The following ADAMTSL3 variants were observed in gnomAD, a reference collection of about 807,000 sequenced individuals.
The protein encoded by ADAMTSL3 is ADAMTS like 3.
A neutral mutation model predicts 201.7 loss-of-function variants in ADAMTSL3; 128 were observed. The ratio of observed to expected loss-of-function variants is 0.63; its 90% CI spans 0.55 to 0.73. The LOEUF is 0.73. ADAMTSL3 is among the 30% of genes least tolerant of loss of function. The probability of loss-of-function intolerance (pLI) is 0.00; values close to 1 mark genes in which losing one functional copy is unlikely to be tolerated. For synonymous variants in ADAMTSL3, 738 were observed against 748.4 expected, an observed-to-expected ratio of 0.99 and a Z score of 0.23; for missense variants, 1,990 against 2,119.6, an observed-to-expected ratio of 0.94 and a Z score of 1.20.
chr15:83,721,796 G>A (rs1416494466), intron 3 of ADAMTSL3, among the ~76,000 whole-genome samples: 3 of 152,232 alleles, frequency 2.0e-5, no homozygotes, highest in East Asian at 1.9e-4. Flanking sequence ...GCAGTGGCTC[G>A]ATCTTGGCTC....
chr15:83,970,407 C>T (rs991158642), intron 19 of ADAMTSL3, 77 bp from the exon 20 acceptor site: 2 of 1,560,868 alleles, frequency 1.3e-6, no homozygotes, highest in Admixed American at 1.7e-5. Context: ...TTGTTTCACC[C>T]TTGGAGACTT....
chr15:83,977,264 G>A lies in ADAMTSL3; in HGVS notation c.2645-5009G>A, dbSNP rs76409849. 7.1e-4 allele frequency among the ~76,000 whole-genome samples: 107 copies of A among 151,484 alleles called. 1 individual carries two copies. In the East Asian group the frequency reaches 0.013, roughly 18 times the overall value. On this transcript the variant is annotated intron_variant, in intron 20 of 29. Coordinates refer to ENST00000286744, the MANE Select transcript of ADAMTSL3 (RefSeq NM_207517.3). ...CCATCTAGCCCCCAATCCCCACCCCGACAACTGGTTTGTGGAAAAACTGTT... is the reference window on the plus strand; with the variant it reads ...CCATCTAGCCCCCAATCCCCACCCCAACAACTGGTTTGTGGAAAAACTGTT...
intron 20 of ADAMTSL3, among the ~76,000 whole-genome samples, chr15:83,981,763 T>C (rs149908787): frequency 6.6e-6 from 1 of 152,332 alleles, no homozygotes; most frequent in East Asian, 1.9e-4. Flanking sequence ...TCAAATACAT[T>C]TGCTCACATT....
chr15:83,878,123 A>AT (rs761691406), intron 9 of ADAMTSL3, among the ~76,000 whole-genome samples: 154 of 152,180 alleles, frequency 1.0e-3, no homozygotes, highest in Non-Finnish European at 1.9e-3. Context: ...TGGTGAAAGA[A>AT]TTTTTTCTTT....
In ADAMTSL3 at chr15:83,689,664, T is replaced by C. The variant is rs983373621; in HGVS notation, c.70-14725T>C. On this transcript the variant is annotated intron_variant, in intron 2 of 29. Coordinates refer to ENST00000286744, the MANE Select transcript of ADAMTSL3 (RefSeq NM_207517.3). Reference sequence around the variant, plus strand: ...TTATTTTTGTAAAATGTTAGATTTATTTTGTCTTTTATTTAGAAATCTGCC... The same window carrying C: ...TTATTTTTGTAAAATGTTAGATTTACTTTGTCTTTTATTTAGAAATCTGCC... 2.0e-5 allele frequency among the ~76,000 whole-genome samples: 3 copies of C among 152,232 alleles called. No homozygotes were observed. In the East Asian group the frequency reaches 5.8e-4, roughly 29 times the overall value.
chr15:83,709,247 G>T (rs1010829661), intron 3 of ADAMTSL3, among the ~76,000 whole-genome samples: 1 of 152,146 alleles, frequency 6.6e-6, no homozygotes, highest in Non-Finnish European at 1.5e-5. Context: ...TGAAGCTTGA[G>T]TGAAACATTA....
At chr15:83,876,771 A>C (rs915185797) in intron 9 of ADAMTSL3, among the ~76,000 whole-genome samples, 1 of 152,116 alleles carries the variant, frequency 6.6e-6, no homozygotes, top group African/African-American at 2.4e-5. Context: ...AGTTGAGACT[A>C]CATGTGCACA....
intron 4 of ADAMTSL3, among the ~76,000 whole-genome samples, chr15:83,791,783 C>G (rs767754880): frequency 6.6e-6 from 1 of 151,618 alleles, no homozygotes; most frequent in Non-Finnish European, 1.5e-5. Context: ...TGGCGTGAAC[C>G]CAGGAGGCTG....
chr15:83,742,335 C>G (rs886256368), intron 3 of ADAMTSL3, among the ~76,000 whole-genome samples: 4 of 152,220 alleles, frequency 2.6e-5, no homozygotes, highest in Non-Finnish European at 2.9e-5. Context: ...CTTAGGCTTA[C>G]AGCCTAAGCT....
At chr15:84,037,423 A>G (rs2068531690) in intron 29 of ADAMTSL3, among the ~76,000 whole-genome samples, 2 of 152,170 alleles carry the variant, frequency 1.3e-5, no homozygotes, top group African/African-American at 4.8e-5. Context: ...GGAGTCCATG[A>G]CCCTGCAAAA....
chr15:83,807,583 T>G (rs1217291971), intron 5 of ADAMTSL3, among the ~76,000 whole-genome samples: 1 of 152,230 alleles, frequency 6.6e-6, no homozygotes, highest in Non-Finnish European at 1.5e-5. Context: ...ATACAATCCC[T>G]GTTAAAATTC....
chr15:83,676,364 C>T (rs1241889564), intron 2 of ADAMTSL3, among the ~76,000 whole-genome samples: 5 of 152,196 alleles, frequency 3.3e-5, no homozygotes, highest in Middle Eastern at 6.8e-3. Context: ...TGTCCATCCA[C>T]CTCCAAATTC....
At chr15:83,962,887 T>A (rs546427740) in intron 19 of ADAMTSL3, among the ~76,000 whole-genome samples, 1 of 152,048 alleles carries the variant, frequency 6.6e-6, no homozygotes, top group African/African-American at 2.4e-5. Flanking sequence ...CATGGTGGGG[T>A]GTCTCCTTAC....
intron 19 of ADAMTSL3, 81 bp downstream of exon 19, chr15:83,943,163 G>A: frequency 3.4e-6 from 5 of 1,461,162 alleles, no homozygotes; most frequent in Non-Finnish European, 3.7e-6. Flanking sequence ...CACAAGATCA[G>A]GCTGGAACTA....
intron 7 of ADAMTSL3, among the ~76,000 whole-genome samples, chr15:83,846,769 T>G (rs1266069326): frequency 2.0e-5 from 3 of 152,224 alleles, no homozygotes; most frequent in African/African-American, 7.2e-5. Flanking sequence ...GATGCCCCAC[T>G]ACAGAGTCAG....
At chr15:83,825,366 T>C (rs184021117) in intron 6 of ADAMTSL3, among the ~76,000 whole-genome samples, 1 of 152,204 alleles carries the variant, frequency 6.6e-6, no homozygotes, top group East Asian at 1.9e-4. Context: ...ATCACAACAC[T>C]TTGGGAGGCC....
intron 17 of ADAMTSL3, among the ~76,000 whole-genome samples, chr15:83,936,954 A>G (rs868532944): frequency 6.6e-6 from 1 of 150,958 alleles, no homozygotes; most frequent in Non-Finnish European, 1.5e-5. Context: ...AATCAAAACC[A>G]TAGCGAGATA....
chr15:83,657,456 C>T (rs952630228), intron 2 of ADAMTSL3, among the ~76,000 whole-genome samples: 7 of 152,180 alleles, frequency 4.6e-5, no homozygotes, highest in Admixed American at 2.0e-4. Context: ...ACTCACTGTT[C>T]GGATCCCAGC....
intron 3 of ADAMTSL3, among the ~76,000 whole-genome samples, chr15:83,728,375 A>G (rs1040209919): frequency 6.6e-6 from 1 of 151,494 alleles, no homozygotes; most frequent in Admixed American, 6.6e-5. Context: ...ATTTGTAAGT[A>G]TGGACTTTTG....
Sources: allele counts gnomAD v4.1 joint callset (sites outside exome capture counted in the v4.1 genomes callset), GRCh38; gene constraint gnomAD v4.1.1; transcripts MANE v1.5; gene names NCBI Gene and HGNC (gene_info 2026-07-23, HGNC 2026-07-21).